The following RAB11FIP4 variants were observed in gnomAD, a reference collection of about 807,000 sequenced individuals.
RAB11FIP4 encodes the protein RAB11 family interacting protein 4.
A neutral mutation model predicts 74.3 loss-of-function variants in RAB11FIP4; 23 were observed. The ratio of observed to expected loss-of-function variants is 0.31; its 90% CI spans 0.22 to 0.44. RAB11FIP4 has a LOEUF of 0.44. Ranked by LOEUF, RAB11FIP4 falls within the 20% of genes least tolerant of loss-of-function variation. The pLI is 1.00. For missense variants in RAB11FIP4, 630 were observed against 863.9 expected (o/e 0.73, Z 3.39); for synonymous variants, 360 against 359.9 (o/e 1.00, Z 0.00).
At chr17:31,450,321 TTTATTATTATTATTATTA>T (rs67188813) in intron 3 of RAB11FIP4, among the ~76,000 whole-genome samples, 7 of 137,804 alleles carry the variant, frequency 5.1e-5, no homozygotes, top group African/African-American at 5.4e-5. Context: ...CGCCACCGGC[TTTATTATTATTATTATTA>T]TTATTATTAT....
rs529316155 is a variant in RAB11FIP4, at chr17:31,523,347, G to A, written c.930-165G>A. The A allele has an allele frequency of 1.5e-4, 96 of 659,410 alleles. No homozygotes were observed. The East Asian group carries it at 2.4e-3, about 17-fold the overall frequency. The allele number at this position is 659,410 out of a possible 1,614,324, so 40.8% of individuals were successfully genotyped here. A position where few individuals can be genotyped will look rare whatever the true frequency, so the allele number is the denominator to read the frequency against. On this transcript the variant is annotated intron_variant, in intron 7 of 14. Coordinates refer to ENST00000621161, the MANE Select transcript of RAB11FIP4 (RefSeq NM_032932.6). The stretch of plus-strand genomic sequence containing the variant: ...CCATTTGCCATCCTCTGGGCGGGGT[G>A]ATCCGCTGAGTTTGGCAACATTCTT...
intron 3 of RAB11FIP4, among the ~76,000 whole-genome samples, chr17:31,457,274 G>C (rs2071587762): frequency 6.6e-6 from 1 of 152,178 alleles, no homozygotes; most frequent in Non-Finnish European, 1.5e-5. Context: ...CCCTGCGCTG[G>C]GCCTGACCAA....
intron 3 of RAB11FIP4, among the ~76,000 whole-genome samples, chr17:31,450,860 C>T (rs548563434): frequency 2.6e-5 from 4 of 152,242 alleles, no homozygotes; most frequent in East Asian, 3.9e-4. Context: ...GATCCAGCTC[C>T]GTCCCCTCAG....
chr17:31,397,898 C>T (rs576698623), intron 1 of RAB11FIP4, among the ~76,000 whole-genome samples: 64 of 147,736 alleles, frequency 4.3e-4, no homozygotes, highest in African/African-American at 1.6e-3. Context: ...TTAATTGAAA[C>T]AGGCTCTCGC....
chr17:31,401,002 C>T (rs1202298913), intron 1 of RAB11FIP4, among the ~76,000 whole-genome samples: 4 of 152,206 alleles, frequency 2.6e-5, no homozygotes, highest in Non-Finnish European at 5.9e-5. Flanking sequence ...GGAGCGGTGG[C>T]TCATGCCTGT....
chr17:31,522,633 G>C, intron 7 of RAB11FIP4: 1 of 546,336 alleles, frequency 1.8e-6, no homozygotes, highest in Non-Finnish European at 3.2e-6. Context: ...AGGTCACCTT[G>C]ACTTCAGGCA....
chr17:31,458,037 A>AGCAG (rs891727973), intron 3 of RAB11FIP4, among the ~76,000 whole-genome samples: 18 of 152,306 alleles, frequency 1.2e-4, no homozygotes, highest in African/African-American at 4.1e-4. Flanking sequence ...AACCACCCCC[A>AGCAG]GCAGACCAAC....
At chr17:31,397,373 C>T (rs2070940636) in intron 1 of RAB11FIP4, among the ~76,000 whole-genome samples, 1 of 152,040 alleles carries the variant, frequency 6.6e-6, no homozygotes, top group Non-Finnish European at 1.5e-5. Context: ...TGGGCAGTGG[C>T]GGGGGGTGCA....
rs1047639775 is a variant in RAB11FIP4, at chr17:31,512,676, A to T, written c.337-4975A>T. Among the ~76,000 whole-genome samples, 3 of 152,060 alleles carry T rather than the reference A, an allele frequency of 2.0e-5. No individual in the cohort carries two copies. The highest frequency in any genetic ancestry group is 2.0e-4 in the Admixed American group (3 of 15,266). On this transcript the variant is annotated intron_variant, in intron 3 of 14. Transcript: ENST00000621161. The surrounding 1 kb of genome is among the most constrained non-coding windows in gnomAD (Gnocchi z 4.1). ...CCTGGCAAGTCAGACTGTGCCAGAG[A>T]CGATGCCCGGTGCTGCCTCCTGAGG...
At chr17:31,494,402 C>T (rs2072074212) in intron 3 of RAB11FIP4, among the ~76,000 whole-genome samples, 1 of 147,294 alleles carries the variant, frequency 6.8e-6, no homozygotes, top group Non-Finnish European at 1.5e-5. Context: ...ATGAAAAGCA[C>T]TTAAAACTGT....
intron 3 of RAB11FIP4, among the ~76,000 whole-genome samples, chr17:31,459,072 A>T (rs771858859): frequency 6.6e-6 from 1 of 152,050 alleles, no homozygotes; most frequent in South Asian, 2.1e-4. Flanking sequence ...ACTCTCACTC[A>T]TCATGTCTGA....
At chr17:31,505,971 C>A (rs1049345845) in intron 3 of RAB11FIP4, among the ~76,000 whole-genome samples, 1 of 150,636 alleles carries the variant, frequency 6.6e-6, no homozygotes, top group African/African-American at 2.4e-5. Flanking sequence ...AAAGTGCTGG[C>A]ATTACAGGTG....
intron 3 of RAB11FIP4, among the ~76,000 whole-genome samples, chr17:31,502,084 C>A (rs1008167363): frequency 6.6e-6 from 1 of 151,952 alleles, no homozygotes; most frequent in Admixed American, 6.6e-5. Context: ...ATTAGCCAGG[C>A]GTGGTGGTGG....
At chr17:31,423,064 T>C (rs2151624450) in intron 1 of RAB11FIP4, among the ~76,000 whole-genome samples, 1 of 152,112 alleles carries the variant, frequency 6.6e-6, no homozygotes, top group South Asian at 2.1e-4. Flanking sequence ...GGACTACAGG[T>C]GTCTGCCACC....
Position 31,406,485 on chromosome 17 carries a change from C to G in RAB11FIP4, c.159+14474C>G, listed in dbSNP as rs573446507. Among the ~76,000 whole-genome samples the G allele has an allele frequency of 2.0e-5, 3 of 152,382 alleles. No homozygotes were observed. In the South Asian group the frequency reaches 6.2e-4, roughly 32 times the overall value. On this transcript the variant is annotated intron_variant, in intron 1 of 14. Coordinates refer to ENST00000621161, the MANE Select transcript of RAB11FIP4 (RefSeq NM_032932.6). ...TCCTTCTGTCTCCCCTGCCTCAAAG[C>G]AAGCCTTGCTCCAGGCACGAGGGTG...
At chr17:31,508,128 C>T (rs567250892) in intron 3 of RAB11FIP4, among the ~76,000 whole-genome samples, 254 of 152,264 alleles carry the variant, frequency 1.7e-3, no homozygotes, top group African/African-American at 6.0e-3. Context: ...GTGCCCGGCC[C>T]GTTTTTAACT....
intron 3 of RAB11FIP4, among the ~76,000 whole-genome samples, chr17:31,439,843 C>T (rs1169443306): frequency 1.3e-5 from 2 of 152,096 alleles, no homozygotes; most frequent in African/African-American, 2.4e-5. Context: ...TTGCATGTTG[C>T]TCAGGCTGGT....
Position 31,527,826 on chromosome 17 carries a change from T to C in RAB11FIP4, c.1275-16T>C. The C allele has an allele frequency of 6.3e-7, 1 of 1,592,826 alleles. No homozygotes were observed. Among genetic ancestry groups the C allele is most frequent in the Non-Finnish European group, 8.6e-7 (1 of 1,169,012 alleles). ...ACATTCCAGGTTTCTGAGATTTGTC[T>C]TTCTCCTTTCGCCAGGGTGCAGCAG... is the stretch of plus-strand genomic sequence containing the variant. On this transcript the variant is annotated splice_polypyrimidine_tract_variant and intron_variant, in intron 10 of 14. Transcript: ENST00000621161.
chr17:31,457,837 C>T (rs1022102407), intron 3 of RAB11FIP4, among the ~76,000 whole-genome samples: 8 of 152,114 alleles, frequency 5.3e-5, no homozygotes, highest in African/African-American at 1.7e-4. Flanking sequence ...CCTGACTATC[C>T]TCCCTTCCTC....
Sources: allele counts gnomAD v4.1 joint callset (sites outside exome capture counted in the v4.1 genomes callset), GRCh38; gene constraint gnomAD v4.1.1; non-coding constraint Gnocchi (gnomAD v3.1); transcripts MANE v1.5; gene names NCBI Gene and HGNC (gene_info 2026-07-23, HGNC 2026-07-21).